Variants in KALRN observed in about 807,000 individuals in gnomAD.
KALRN encodes kalirin RhoGEF kinase.
A neutral mutation model predicts 353.7 loss-of-function variants in KALRN; 70 were observed. That is an observed-to-expected ratio of 0.20 (90% CI 0.16 to 0.24). The LOEUF is 0.24. Among genes scored for constraint, KALRN ranks in the 10% least tolerant of loss-of-function variants. The probability of loss-of-function intolerance (pLI) is 1.00; values close to 1 mark genes in which losing one functional copy is unlikely to be tolerated. For missense variants in KALRN, 2,791 were observed against 3,756.7 expected, an observed-to-expected ratio of 0.74 and a Z score of 6.72; for synonymous variants, 1,391 against 1,434.8, an observed-to-expected ratio of 0.97 and a Z score of 0.69.
chr3:124,463,217 A>C (rs530439616), intron 25 of KALRN, among the ~76,000 whole-genome samples: 1 of 152,376 alleles, frequency 6.6e-6, no homozygotes, highest in African/African-American at 2.4e-5. Flanking sequence ...TGGTTAACAA[A>C]GGATCAGCAA....
At chr3:124,599,041 G>T (rs1054341529) in intron 34 of KALRN, among the ~76,000 whole-genome samples, 3 of 152,220 alleles carry the variant, frequency 2.0e-5, no homozygotes, top group Non-Finnish European at 2.9e-5. Flanking sequence ...GGGGACAGGG[G>T]TGGGGTGGGG....
chr3:124,108,255 C>T, intron 1 of KALRN, among the ~76,000 whole-genome samples: 1 of 152,148 alleles, frequency 6.6e-6, no homozygotes, highest in Middle Eastern at 3.2e-3. Context: ...CTGCTTGGCT[C>T]CTTAGAGATC....
chr3:124,424,716 C>T (rs2092940798), intron 15 of KALRN, among the ~76,000 whole-genome samples: 1 of 152,204 alleles, frequency 6.6e-6, no homozygotes, highest in Admixed American at 6.5e-5. Flanking sequence ...AGGCCCAGAA[C>T]AGTAACGAGT....
intron 34 of KALRN, among the ~76,000 whole-genome samples, chr3:124,621,380 G>A (rs1487350648): frequency 1.3e-5 from 2 of 152,168 alleles, no homozygotes; most frequent in African/African-American, 4.8e-5. Flanking sequence ...AAGTGGTAAG[G>A]TAAAGGATGT....
intron 1 of KALRN, among the ~76,000 whole-genome samples, chr3:124,066,580 G>A (rs2042380434): frequency 6.6e-6 from 1 of 152,186 alleles, no homozygotes; most frequent in South Asian, 2.1e-4. Flanking sequence ...AAAAGGAGGT[G>A]TGACCTGGGT....
In KALRN at chr3:124,471,256, TTTATTATTATTATTATTATTA is replaced by T. The variant is rs139584790; in HGVS notation, c.4032-3383_4032-3363del. The stretch of plus-strand genomic sequence containing the variant: ...ATCCTTACAAGCACCCCCACAAAGT[TTTATTATTATTATTATTATTA>T]TTATTATTATTATTATTATTATTTG... On this transcript the variant is annotated intron_variant, in intron 25 of 59. Coordinates refer to ENST00000682506, the MANE Select transcript of KALRN (RefSeq NM_001388419.1). 1.4e-4 allele frequency among the ~76,000 whole-genome samples: 19 copies of T among 138,810 alleles called. 1 individual carries two copies. Among genetic ancestry groups the T allele is most frequent in the Admixed American group, 3.6e-4 (5 of 13,706 alleles). The allele number at this position is 138,810 out of a possible 152,430, so 91.1% of individuals were successfully genotyped here.
intron 38 of KALRN, among the ~76,000 whole-genome samples, chr3:124,653,628 A>C (rs530442814): frequency 6.6e-6 from 1 of 152,344 alleles, no homozygotes; most frequent in Admixed American, 6.5e-5. Context: ...CCATGGAGAA[A>C]AAGTGTTCTC....
intron 45 of KALRN, among the ~76,000 whole-genome samples, chr3:124,663,465 G>T (rs541468138): frequency 4.7e-4 from 71 of 152,314 alleles, no homozygotes; most frequent in Admixed American, 2.0e-3. Context: ...AACCTTTGAA[G>T]AGGAAATTGA....
At chr3:124,423,684 T>C (rs1327608725) in intron 15 of KALRN, among the ~76,000 whole-genome samples, 1 of 152,114 alleles carries the variant, frequency 6.6e-6, no homozygotes, top group Non-Finnish European at 1.5e-5. Flanking sequence ...AAGACCAACC[T>C]GGGCAACATG....
At position 124,228,953 on chromosome 3, in the gene KALRN, C is replaced by T. The variant is rs532874325; in HGVS notation, c.148+889C>T. On this transcript the variant is annotated intron_variant, in intron 2 of 59. Coordinates refer to ENST00000682506, the MANE Select transcript of KALRN (RefSeq NM_001388419.1). ...AGGGTCAAATTGCCTTCTCCTCTTG[C>T]ATCTGTGTCAAATCTTTCTCTGCCT... is the stretch of plus-strand genomic sequence containing the variant. Among the ~76,000 whole-genome samples, 143 of 152,324 alleles carry T rather than the reference C, an allele frequency of 9.4e-4. No homozygotes were observed. The Middle Eastern group carries it at 0.017, about 18-fold the overall frequency.
At chr3:124,364,182 T>C (rs2084375907) in intron 10 of KALRN, among the ~76,000 whole-genome samples, 1 of 152,204 alleles carries the variant, frequency 6.6e-6, no homozygotes, top group South Asian at 2.1e-4. Flanking sequence ...TTTTCTCATA[T>C]GGAGGGTGGA....
chr3:124,116,420 G>C (rs997988038), intron 1 of KALRN, among the ~76,000 whole-genome samples: 1 of 152,158 alleles, frequency 6.6e-6, no homozygotes, highest in Non-Finnish European at 1.5e-5. Context: ...AAATAGTATA[G>C]ATCCTATCTT....
chr3:124,563,055 C>G lies in KALRN; in HGVS notation c.5148C>G (p.Ser1716Arg), dbSNP rs373473712. The G allele has an allele frequency of 7.3e-7, 1 of 1,367,782 alleles. No individual in the cohort carries two copies. The highest frequency in any genetic ancestry group is 9.8e-7 in the Non-Finnish European group (1 of 1,021,994). The allele number at this position is 1,367,782 out of a possible 1,614,324, so 84.7% of individuals were successfully genotyped here. A position where few individuals can be genotyped will look rare whatever the true frequency, so the allele number is the denominator to read the frequency against. ...TGTGCATCTCACACTCCCGAAGCAG[C>G]GTGGAGATGGACTGCTTCTTCCCCT... ...SALCISHSRSSVEMDCFFPLV... is the reference protein window; with the variant it reads ...SALCISHSRSRVEMDCFFPLV... Residue 1716 changes from serine (S) to arginine (R), a missense_variant, in exon 34 of 60, where the codon AGC becomes AGG. Ser to Arg is a moderately radical substitution (Grantham distance 110). Coordinates refer to ENST00000682506, the MANE Select transcript of KALRN (RefSeq NM_001388419.1).
At chr3:124,554,243 C>G (rs1365262720) in intron 33 of KALRN, among the ~76,000 whole-genome samples, 5 of 152,196 alleles carry the variant, frequency 3.3e-5, no homozygotes, top group Non-Finnish European at 7.3e-5. Flanking sequence ...GTAATTCCAG[C>G]TACTTGGGAG....
chr3:124,470,804 A>C lies in KALRN; in HGVS notation c.4032-3859A>C, dbSNP rs537751231. Among the ~76,000 whole-genome samples, 185 of 152,330 alleles carry C rather than the reference A, an allele frequency of 1.2e-3. 1 individual carries two copies. Among genetic ancestry groups the C allele is most frequent in the African/African-American group, 4.3e-3 (178 of 41,586 alleles). On this transcript the variant is annotated intron_variant, in intron 25 of 59. Transcript: ENST00000682506. Reference sequence around the variant, plus strand: ...TGAGACAAAGTCTGATACTCGCCCCAAAAGTGCTGCAAGCACAAAGAAGTT... The same window carrying C: ...TGAGACAAAGTCTGATACTCGCCCCCAAAGTGCTGCAAGCACAAAGAAGTT...
chr3:124,491,458 G>A, intron 31 of KALRN, 34 bp downstream of exon 31: 6 of 1,482,386 alleles, frequency 4.0e-6, no homozygotes, highest in South Asian at 1.3e-5. Flanking sequence ...ACAAACTAGG[G>A]TTGGGGATAA....
chr3:124,255,849 C>T (rs898891801), intron 3 of KALRN, among the ~76,000 whole-genome samples: 1 of 151,976 alleles, frequency 6.6e-6, no homozygotes, highest in South Asian at 2.1e-4. Flanking sequence ...ATGGGGTTGG[C>T]GTGGGCAAGC....
intron 11 of KALRN, among the ~76,000 whole-genome samples, chr3:124,392,832 A>C (rs2089632481): frequency 2.0e-5 from 3 of 150,690 alleles, no homozygotes; most frequent in Non-Finnish European, 4.4e-5. Context: ...ACATGTGCAC[A>C]TTGTGCAGGT....
At chr3:124,155,474 GC>G (rs2068843413) in intron 1 of KALRN, among the ~76,000 whole-genome samples, 1 of 152,174 alleles carries the variant, frequency 6.6e-6, no homozygotes, top group South Asian at 2.1e-4. Flanking sequence ...ACTAAGAAAG[GC>G]CAGGACAGGA....
Sources: gnomAD v4.1 joint callset for allele counts (sites outside exome capture counted in the v4.1 genomes callset) on GRCh38, gnomAD v4.1.1 for gene constraint, MANE v1.5 for transcripts, NCBI Gene and HGNC (gene_info 2026-07-23, HGNC 2026-07-21) for gene names.